ZBTB46: variants seen among roughly 807,000 people sequenced by gnomAD.
The protein encoded by ZBTB46 is zinc finger and BTB domain-containing protein 46.
ZBTB46 carries 8 observed loss-of-function variants against 44.1 expected under a neutral mutation model. The observed-to-expected ratio is 0.18, with a 90% CI of 0.11 to 0.33. The LOEUF (loss-of-function observed/expected upper bound fraction) is 0.33. Ranked by LOEUF, ZBTB46 falls within the 10% of genes least tolerant of loss-of-function variation. The probability of loss-of-function intolerance (pLI) is 1.00; values close to 1 mark genes in which losing one functional copy is unlikely to be tolerated. For synonymous variants in ZBTB46, 409 were observed against 382.3 expected (o/e 1.07, Z -0.81); for missense variants, 651 against 847.7 (o/e 0.77, Z 2.88).
chr20:63,790,335 A>C lies in ZBTB46; in HGVS notation c.423T>G (p.Leu141=). Residue 141 remains leucine, a synonymous_variant, in exon 2 of 5, where the codon CTT becomes CTG. Coordinates refer to ENST00000245663, the MANE Select transcript of ZBTB46 (RefSeq NM_001369741.1). ...ISIKSDASDE[L]AEFEIGASSS... is the part of the protein sequence containing the mutation. ...ACGAGGCGCCGATCTCGAACTCCGC[A>C]AGCTCATCTGAGGCGTCCGACTTGA... 1.9e-6 allele frequency: 3 copies of C among 1,613,190 alleles called. No homozygotes were observed. The highest frequency in any genetic ancestry group is 2.5e-6 in the Non-Finnish European group (3 of 1,179,994).
chr20:63,808,463 T>G (rs1568894342), intron 1 of ZBTB46, among the ~76,000 whole-genome samples: 1 of 152,086 alleles, frequency 6.6e-6, no homozygotes, highest in African/African-American at 2.4e-5. Context: ...ACAAGGAGTC[T>G]CAGCCCCGGG....
intron 3 of ZBTB46, among the ~76,000 whole-genome samples, chr20:63,773,345 C>G (rs1178480239): frequency 1.3e-5 from 2 of 151,906 alleles, no homozygotes; most frequent in Non-Finnish European, 2.9e-5. Context: ...CCTCCCACCT[C>G]AGCCGCCTGA....
chr20:63,747,086 A>G lies in ZBTB46; in HGVS notation c.1614T>C (p.Pro538=). The G allele has an allele frequency of 1.2e-6, 2 of 1,609,252 alleles. No homozygotes were observed. The highest frequency in any genetic ancestry group is 1.7e-6 in the Non-Finnish European group (2 of 1,179,414). Residue 538 remains proline, a synonymous_variant, in exon 5 of 5, where the codon CCT becomes CCC. Coordinates refer to ENST00000245663, the MANE Select transcript of ZBTB46 (RefSeq NM_001369741.1). Reference sequence around the variant, plus strand: ...CCTCCGCCTCCCCTCGTGGGTCCTCAGGGTCCTCCAGATAGGGCCCGTCGC... The same window carrying G: ...CCTCCGCCTCCCCTCGTGGGTCCTCGGGGTCCTCCAGATAGGGCCCGTCGC... ...FPGDGPYLED[P]EDPRGEAEEL...
At chr20:63,795,298 C>T (rs2092593308) in intron 1 of ZBTB46, among the ~76,000 whole-genome samples, 1 of 152,264 alleles carries the variant, frequency 6.6e-6, no homozygotes, top group South Asian at 2.1e-4. Context: ...GCCGCGTCAC[C>T]GTGCAGGTGC....
rs1399263029 is a variant in ZBTB46 at position 63,746,552 on chromosome 20, G to A, written c.*378C>T. 4.7e-6 allele frequency: 1 copy of A among 212,270 alleles called. No homozygotes were observed. Among genetic ancestry groups the A allele is most frequent in the East Asian group, 1.0e-4 (1 of 9,762 alleles). 13.1% of individuals were successfully genotyped at this position (212,270 alleles called of 1,614,324 possible). On this transcript the variant is annotated 3_prime_UTR_variant, in exon 5 of 5. Transcript: ENST00000245663. ...ACCTGCTCAGGCCAGGGGCCTCTGG[G>A]CCGAACACACCACCCCGCCCAGTGC...
intron 1 of ZBTB46, among the ~76,000 whole-genome samples, chr20:63,826,956 C>G (rs1015934193): frequency 6.6e-6 from 1 of 152,190 alleles, no homozygotes; most frequent in Non-Finnish European, 1.5e-5. Context: ...ATGACTCGCT[C>G]CACCAGGACC....
At chr20:63,822,291 A>C (rs143569497) in intron 1 of ZBTB46, among the ~76,000 whole-genome samples, 88 of 152,304 alleles carry the variant, frequency 5.8e-4, no homozygotes, top group Middle Eastern at 3.4e-3. Flanking sequence ...AGCCTTCCTG[A>C]GTTCAAGCGC....
intron 1 of ZBTB46, among the ~76,000 whole-genome samples, chr20:63,791,451 G>A (rs559895383): frequency 5.0e-5 from 7 of 140,618 alleles, no homozygotes; most frequent in African/African-American, 8.0e-5. Flanking sequence ...AGCCGAGATC[G>A]CGCCAGTGCA....
At chr20:63,830,731 G>T (rs952462182) in intron 1 of ZBTB46, among the ~76,000 whole-genome samples, 5 of 148,354 alleles carry the variant, frequency 3.4e-5, no homozygotes. Context: ...AGGTGCCGGG[G>T]AGGGAGCGCG....
At position 63,790,192 on chromosome 20, in the gene ZBTB46, C is replaced by T; in HGVS notation, c.566G>A (p.Cys189Tyr). Residue 189 changes from cysteine (C) to tyrosine (Y), a missense_variant, in exon 2 of 5, where the codon TGT (cysteine) becomes TAT (tyrosine). By Grantham distance (194) the Cys-to-Tyr change is radical. Around this residue, in one of 5 missense-constraint regions of ZBTB46, gnomAD observed 385 missense variants for 423.3 expected, o/e 0.91. Coordinates refer to ENST00000245663, the MANE Select transcript of ZBTB46 (RefSeq NM_001369741.1). ...CCCGTAGCTGCTCCCTCCGTCGTGA[C>T]AGCTGGCGATGGCCGAGTCTCCGGA... ...NSSGDSAIAS[C>Y]HDGGSSYGKE... The T allele has an allele frequency of 1.9e-6, 3 of 1,613,496 alleles. No homozygotes were observed. The highest frequency in any genetic ancestry group is 8.5e-7 in the Non-Finnish European group (1 of 1,179,934).
chr20:63,769,100 C>T (rs1347245384), intron 3 of ZBTB46: 2 of 706,528 alleles, frequency 2.8e-6, no homozygotes, highest in South Asian at 6.3e-5. Flanking sequence ...GAGAGGAGGG[C>T]ACATGGAGAG....
At chr20:63,823,236 C>T (rs1272063486) in intron 1 of ZBTB46, among the ~76,000 whole-genome samples, 1 of 151,442 alleles carries the variant, frequency 6.6e-6, no homozygotes, top group Admixed American at 6.6e-5. Flanking sequence ...CACTGTCATC[C>T]CGGTACTTTG....
chr20:63,773,580 G>A (rs4809340), intron 3 of ZBTB46, among the ~76,000 whole-genome samples: 99,882 of 151,874 alleles, frequency 0.66, 33,290 homozygotes, highest in East Asian at 0.89. Flanking sequence ...AGCCCCTCAT[G>A]TGAAAAGGCG....
chr20:63,780,283 A>C (rs1601452187), intron 2 of ZBTB46, among the ~76,000 whole-genome samples: 1 of 151,904 alleles, frequency 6.6e-6, no homozygotes, highest in African/African-American at 2.4e-5. Flanking sequence ...AAAAAAAAAA[A>C]GACAGATAAA....
intron 1 of ZBTB46, among the ~76,000 whole-genome samples, chr20:63,818,451 C>T (rs553116428): frequency 1.6e-3 from 237 of 152,350 alleles, no homozygotes; most frequent in African/African-American, 5.5e-3. Context: ...TGGGCCAGGC[C>T]AGTGCGGACC....
At chr20:63,815,897 CACA>C (rs2092751061) in intron 1 of ZBTB46, among the ~76,000 whole-genome samples, 1 of 135,770 alleles carries the variant, frequency 7.4e-6, no homozygotes, top group African/African-American at 2.9e-5. Context: ...GTGCAGTGGG[CACA>C]GGTACAGTGG....
chr20:63,793,677 T>TACCTCACAACGGTC (rs2092578837), intron 1 of ZBTB46, among the ~76,000 whole-genome samples: 1 of 152,230 alleles, frequency 6.6e-6, no homozygotes, highest in Admixed American at 6.5e-5. Flanking sequence ...AAGCAGCGGC[T>TACCTCACAACGGTC]ACCTCACAAC....
At chr20:63,761,094 G>C (rs2092271275) in intron 3 of ZBTB46, among the ~76,000 whole-genome samples, 1 of 147,774 alleles carries the variant, frequency 6.8e-6, no homozygotes, top group East Asian at 2.0e-4. Context: ...CGCCTCCCAG[G>C]TTCAAGCAAT....
At chr20:63,830,772 G>A (rs866773278) in intron 1 of ZBTB46, among the ~76,000 whole-genome samples, 1 of 145,644 alleles carries the variant, frequency 6.9e-6, no homozygotes, top group East Asian at 2.1e-4. Flanking sequence ...GGGCCGAGGG[G>A]CCGGGGCAGC....
Sources: allele counts gnomAD v4.1 joint callset (sites outside exome capture counted in the v4.1 genomes callset), GRCh38; gene constraint gnomAD v4.1.1; regional missense constraint gnomAD v4.1.1; transcripts MANE v1.5; gene names NCBI Gene and HGNC (gene_info 2026-07-23, HGNC 2026-07-21).